Variants in SLC25A40 observed in about 807,000 individuals in gnomAD.
SLC25A40 encodes solute carrier family 25 member 40.
SLC25A40 carries 41 observed loss-of-function variants against 46.5 expected under a neutral mutation model. The observed-to-expected ratio is 0.88, with a 90% CI of 0.69 to 1.14. SLC25A40 has a LOEUF of 1.14. SLC25A40 is among the 50% of genes most tolerant of loss of function. The pLI is 0.00. For synonymous variants in SLC25A40, 126 were observed against 127.5 expected (o/e 0.99, Z 0.08); for missense variants, 386 against 393.6 (o/e 0.98, Z 0.16).
At chr7:87,841,391 C>G (rs1331449742) in intron 10 of SLC25A40, among the ~76,000 whole-genome samples, 1 of 151,552 alleles carries the variant, frequency 6.6e-6, no homozygotes, top group Non-Finnish European at 1.5e-5. Flanking sequence ...TCTTCTTTAT[C>G]GCAGGTATCA....
At chr7:87,849,595 T>G (rs963323269) in intron 6 of SLC25A40, among the ~76,000 whole-genome samples, 31 of 152,228 alleles carry the variant, frequency 2.0e-4, no homozygotes, top group African/African-American at 7.0e-4. Context: ...GGGAGGACTT[T>G]GGAAGCCTAT....
At chr7:87,844,074 G>A (rs902033594) in intron 8 of SLC25A40, 1 of 796,214 alleles carries the variant, frequency 1.3e-6, no homozygotes, top group East Asian at 1.3e-4. Context: ...AAAAAACTAT[G>A]CATCAATAAA....
intron 3 of SLC25A40, among the ~76,000 whole-genome samples, chr7:87,857,183 G>GC (rs1838627528): frequency 6.6e-6 from 1 of 152,200 alleles, no homozygotes; most frequent in African/African-American, 2.4e-5. Context: ...TTCCGTTAAT[G>GC]CAAAGTAAAG....
chr7:87,838,909 C>T (rs1838292805), intron 10 of SLC25A40, among the ~76,000 whole-genome samples: 1 of 151,532 alleles, frequency 6.6e-6, no homozygotes, highest in Non-Finnish European at 1.5e-5. Context: ...CATGGTATTG[C>T]ATTATATGGA....
At chr7:87,857,087 C>T (rs1838626288) in intron 3 of SLC25A40, among the ~76,000 whole-genome samples, 1 of 152,160 alleles carries the variant, frequency 6.6e-6, no homozygotes, top group Admixed American at 6.5e-5. Flanking sequence ...AAATGCTAAA[C>T]TATCACCTAA....
intron 1 of SLC25A40, among the ~76,000 whole-genome samples, 155 bp from the exon 2 acceptor site, chr7:87,860,795 CCA>C (rs1413057988): frequency 6.6e-6 from 1 of 151,352 alleles, no homozygotes; most frequent in Non-Finnish European, 1.5e-5. Flanking sequence ...AAAGAGCACT[CCA>C]TAAATGCAAG....
intron 1 of SLC25A40, among the ~76,000 whole-genome samples, chr7:87,869,818 A>G (rs1281771445): frequency 2.6e-5 from 4 of 152,206 alleles, no homozygotes; most frequent in Admixed American, 2.6e-4. Context: ...GTAAATACAT[A>G]AGTAGAATAG....
chr7:87,852,946 C>A lies in SLC25A40; in HGVS notation c.264+1258G>T, dbSNP rs150406707. Among the ~76,000 whole-genome samples, 672 of 152,148 alleles carry A rather than the reference C, an allele frequency of 4.4e-3. 5 individuals are homozygous for A. Among genetic ancestry groups the A allele is most frequent in the African/African-American group, 0.015 (640 of 41,510 alleles). On this transcript the variant is annotated intron_variant, in intron 5 of 11. Coordinates refer to ENST00000341119, the MANE Select transcript of SLC25A40 (RefSeq NM_018843.4). ...GTAACAGTAGATAAAAAGCTCTTAG[C>A]CTTGATACCAAAAGCATGACCTATA...
At chr7:87,843,657 C>A in intron 9 of SLC25A40, 97 bp downstream of exon 9, 1 of 833,982 alleles carries the variant, frequency 1.2e-6, no homozygotes. Flanking sequence ...GCAGTGCAGC[C>A]AAAGTGGATC....
chr7:87,874,632 T>C (rs1438342656), intron 1 of SLC25A40, among the ~76,000 whole-genome samples: 2 of 152,254 alleles, frequency 1.3e-5, no homozygotes, highest in Non-Finnish European at 1.5e-5. Flanking sequence ...TTCACTAGAA[T>C]GATAGTAATT....
rs751254856 is a variant in SLC25A40, at chr7:87,849,962, A to AG, written c.265-15dup. On this transcript the variant is annotated splice_polypyrimidine_tract_variant and intron_variant, in intron 5 of 11. Coordinates refer to ENST00000341119, the MANE Select transcript of SLC25A40 (RefSeq NM_018843.4). Reference sequence around the variant, plus strand: ...AAAAAATGCATCCTAAAGTTATAATAGAAAAAAAGTAATCAAAATATATCT... The same window carrying AG: ...AAAAAATGCATCCTAAAGTTATAATAGGAAAAAAAGTAATCAAAATATATCT... 1.3e-6 allele frequency: 2 copies of AG among 1,518,968 alleles called. No individual in the cohort carries two copies. The highest frequency in any genetic ancestry group is 1.9e-5 in the Admixed American group (1 of 52,902). The allele number at this position is 1,518,968 out of a possible 1,614,324, so 94.1% of individuals were successfully genotyped here.
At chr7:87,868,335 T>C (rs935961861) in intron 1 of SLC25A40, among the ~76,000 whole-genome samples, 1 of 152,228 alleles carries the variant, frequency 6.6e-6, no homozygotes, top group African/African-American at 2.4e-5. Context: ...CAAAGAATTA[T>C]CTGACCAAAT....
At chr7:87,842,917 G>A (rs1470118996) in intron 9 of SLC25A40, among the ~76,000 whole-genome samples, 5 of 151,820 alleles carry the variant, frequency 3.3e-5, no homozygotes, top group Admixed American at 3.3e-4. Flanking sequence ...TGGTTTTTTT[G>A]TTCAATAGAC....
intron 1 of SLC25A40, among the ~76,000 whole-genome samples, chr7:87,860,861 C>A (rs1019489067): frequency 6.7e-6 from 1 of 149,964 alleles, no homozygotes. Flanking sequence ...AGTTAATATA[C>A]TCTGCTTTAA....
At chr7:87,836,556 T>C (rs1166980579) in intron 11 of SLC25A40, among the ~76,000 whole-genome samples, 174 bp downstream of exon 11, 2 of 151,496 alleles carry the variant, frequency 1.3e-5, no homozygotes, top group African/African-American at 2.4e-5. Flanking sequence ...GAAATTTTTA[T>C]CTTATTGATA....
At chr7:87,869,354 C>T (rs1461966742) in intron 1 of SLC25A40, among the ~76,000 whole-genome samples, 3 of 151,964 alleles carry the variant, frequency 2.0e-5, no homozygotes, top group African/African-American at 7.3e-5. Context: ...GGTGAAACTC[C>T]ATCTCTAGAA....
intron 1 of SLC25A40, among the ~76,000 whole-genome samples, chr7:87,862,464 G>A (rs962692136): frequency 3.3e-5 from 5 of 152,112 alleles, no homozygotes; most frequent in Non-Finnish European, 5.9e-5. Flanking sequence ...AAAAACCCAT[G>A]AGCCCTTCTT....
rs1838222378 is a variant in SLC25A40, at chr7:87,833,741, GATTT to G, written c.*2504_*2507del. On this transcript the variant is annotated 3_prime_UTR_variant, in exon 12 of 12. Transcript: ENST00000341119. ...CACAGGTAAACTTTTGTGTCATGGG[GATTT>G]ATTATACAGATTATTTCATCACCCA... 6.6e-6 allele frequency: 1 copy of G among 151,714 alleles called. No individual in the cohort carries two copies. The highest frequency in any genetic ancestry group is 6.6e-5 in the Admixed American group (1 of 15,176). The allele number at this position is 151,714 out of a possible 1,614,324, so 9.4% of individuals were successfully genotyped here. A position where few individuals can be genotyped will look rare whatever the true frequency, so the allele number is the denominator to read the frequency against.
At position 87,836,332 on chromosome 7, in the gene SLC25A40, G is replaced by A. The variant is rs1838257599; in HGVS notation, c.934C>T (p.Pro312Ser). The change falls in exon 12 of 12, where the codon CCT becomes TCT. Residue 312 changes from proline to serine, a missense_variant. Pro to Ser is a moderately conservative substitution (Grantham distance 74). Coordinates refer to ENST00000341119, the MANE Select transcript of SLC25A40 (RefSeq NM_018843.4). ...GTACTGATCATAATGGCACAAGCAG[G>A]AGCAATTTTAATTAAGCGAGGAATT... ...GLIPRLIKIA[P>S]ACAIMISTYE... 5 of 1,552,716 alleles carry A rather than the reference G, an allele frequency of 3.2e-6. No individual in the cohort carries two copies. The highest frequency in any genetic ancestry group is 3.5e-6 in the Non-Finnish European group (4 of 1,155,090).
Sources: gnomAD v4.1 joint callset for allele counts (sites outside exome capture counted in the v4.1 genomes callset) on GRCh38, gnomAD v4.1.1 for gene constraint, MANE v1.5 for transcripts, NCBI Gene and HGNC (gene_info 2026-07-23, HGNC 2026-07-21) for gene names.